The following ERG variants were observed in gnomAD, a reference collection of about 807,000 sequenced individuals.
The protein encoded by ERG is ETS transcription factor ERG.
ERG carries 9 observed loss-of-function variants against 55.3 expected under a neutral mutation model. That is an observed-to-expected ratio of 0.16 (90% CI 0.10 to 0.28). ERG has a LOEUF of 0.28. ERG is among the 10% of genes least tolerant of loss of function. ERG has a pLI of 1.00. For synonymous variants in ERG, 223 were observed against 237.3 expected, an observed-to-expected ratio of 0.94 and a Z score of 0.55; for missense variants, 434 against 631.6, an observed-to-expected ratio of 0.69 and a Z score of 3.35.
At chr21:38,620,435 G>A (rs757384567) in intron 1 of ERG, among the ~76,000 whole-genome samples, 10 of 152,198 alleles carry the variant, frequency 6.6e-5, no homozygotes, top group Non-Finnish European at 1.3e-4. Context: ...CCCGCAGCCA[G>A]CTCGTCTGCT....
chr21:38,501,721 C>A (rs1011892754), upstream of ERG, among the ~76,000 whole-genome samples: 67 of 152,298 alleles, frequency 4.4e-4, no homozygotes, highest in Non-Finnish European at 5.4e-4. Context: ...ACTAGACCAG[C>A]ACAGCCCATA....
intron 6 of ERG, among the ~76,000 whole-genome samples, chr21:38,399,575 G>A (rs923413479): frequency 6.6e-6 from 1 of 152,216 alleles, no homozygotes; most frequent in Admixed American, 6.5e-5. Context: ...TCGGGCTGAT[G>A]TAAGTCCCAG....
Position 38,446,737 on chromosome 21 carries a change from G to C in ERG, c.19-1116C>G, listed in dbSNP as rs564032580. On this transcript the variant is annotated intron_variant, in intron 1 of 9. Transcript: ENST00000288319. ...GAGGCAGAGCAGGGGAGGCAGGGGA[G>C]TGTGGGCTGCGCAGACCCTTCCAGT... is the stretch of plus-strand genomic sequence containing the variant. Among the ~76,000 whole-genome samples, 13 of 152,228 alleles carry C rather than the reference G, an allele frequency of 8.5e-5. 1 individual carries two copies. In the South Asian group the frequency reaches 2.5e-3, roughly 29 times the overall value.
At chr21:38,403,445 A>G (rs945610860) in intron 4 of ERG, 61 bp downstream of exon 4, 7 of 1,540,726 alleles carry the variant, frequency 4.5e-6, no homozygotes, top group Non-Finnish European at 6.3e-6. Flanking sequence ...GAACCCTCTG[A>G]AGCTCAGGTC....
chr21:38,445,687 T>G (rs2058885768), intron 1 of ERG, 66 bp from the exon 2 acceptor site: 1 of 1,372,610 alleles, frequency 7.3e-7, no homozygotes, highest in South Asian at 1.2e-5. Flanking sequence ...AAAAAGTTGT[T>G]GATTTCAGAG....
At chr21:38,566,710 G>T (rs2059925275) in intron 2 of ERG, among the ~76,000 whole-genome samples, 1 of 152,004 alleles carries the variant, frequency 6.6e-6, no homozygotes, top group Non-Finnish European at 1.5e-5. Flanking sequence ...AAGAAACAAA[G>T]AAACAAAAAA....
chr21:38,428,052 C>A (rs760157263), intron 2 of ERG, among the ~76,000 whole-genome samples: 1 of 151,690 alleles, frequency 6.6e-6, no homozygotes, highest in African/African-American at 2.4e-5. Context: ...GCATGGTGTG[C>A]ACCTGTAGTC....
At chr21:38,391,286 A>T (rs1305006847) in intron 8 of ERG, among the ~76,000 whole-genome samples, 1 of 152,188 alleles carries the variant, frequency 6.6e-6, no homozygotes, top group Non-Finnish European at 1.5e-5. Context: ...CCTGACATAT[A>T]GCTCAAGGCT....
chr21:38,516,013 C>T (rs2059548956), intron 2 of ERG, among the ~76,000 whole-genome samples: 1 of 151,922 alleles, frequency 6.6e-6, no homozygotes, highest in African/African-American at 2.4e-5. Flanking sequence ...ATGATTAACC[C>T]ACAGCTAACA....
At chr21:38,612,808 C>CAT (rs2060235868) in intron 1 of ERG, among the ~76,000 whole-genome samples, 1 of 151,914 alleles carries the variant, frequency 6.6e-6, no homozygotes, top group Non-Finnish European at 1.5e-5. Context: ...GGACTACAGG[C>CAT]GCCTGCCACC....
chr21:38,392,244 T>C lies in ERG; in HGVS notation c.814+132A>G, dbSNP rs1988005066. The C allele has an allele frequency of 5.1e-6, 4 of 783,132 alleles. No homozygotes were observed. The East Asian group carries it at 1.1e-4, about 21-fold the overall frequency. 48.5% of individuals were successfully genotyped at this position (783,132 alleles called of 1,614,324 possible). ...CTGCAGTGAAAGATCAATTGTACTC[T>C]TGTCGTCAATGGAACAAACCCATCA... On this transcript the variant is annotated intron_variant, in intron 7 of 9. Transcript: ENST00000288319.
At chr21:38,453,586 A>C (rs915048371) in intron 1 of ERG, among the ~76,000 whole-genome samples, 9 of 152,206 alleles carry the variant, frequency 5.9e-5, no homozygotes, top group Non-Finnish European at 4.4e-5. Context: ...TTCTTCTTTA[A>C]AGAATCGCTT....
chr21:38,522,342 TATC>T (rs1214079741), intron 2 of ERG, among the ~76,000 whole-genome samples: 5 of 152,182 alleles, frequency 3.3e-5, no homozygotes, highest in Non-Finnish European at 7.4e-5. Flanking sequence ...TCCTTTTTCT[TATC>T]ATATCTATAA....
chr21:38,579,094 C>T (rs2060012485), intron 1 of ERG, among the ~76,000 whole-genome samples: 1 of 152,106 alleles, frequency 6.6e-6, no homozygotes, highest in Admixed American at 6.6e-5. Context: ...CCATGGGATT[C>T]CCAGAGCCCT....
At chr21:38,607,633 C>T (rs2060204154) in intron 1 of ERG, among the ~76,000 whole-genome samples, 1 of 149,778 alleles carries the variant, frequency 6.7e-6, no homozygotes, top group Admixed American at 6.6e-5. Flanking sequence ...AGCCAGACTC[C>T]GTCTCAAAAA....
intron 1 of ERG, among the ~76,000 whole-genome samples, chr21:38,468,983 AAAAAAAAAAAAAAAAAAAG>A (rs1452525603): frequency 1.0e-4 from 9 of 87,046 alleles, no homozygotes; most frequent in Admixed American, 1.3e-4. Flanking sequence ...ACTCTGTCTC[AAAAAAAAAAAAAAAAAAAG>A]AAAAAAAAAA....
chr21:38,578,865 C>A (rs1568927380), intron 1 of ERG, among the ~76,000 whole-genome samples: 2 of 152,152 alleles, frequency 1.3e-5, no homozygotes, highest in Non-Finnish European at 2.9e-5. Context: ...CTGACATACA[C>A]TTTGCAATGT....
Position 38,498,314 on chromosome 21 carries a change from G to C in ERG, c.18+49C>G, listed in dbSNP as rs1461331435. 3.9e-6 allele frequency: 6 copies of C among 1,547,284 alleles called. No homozygotes were observed. In the South Asian group the frequency reaches 6.8e-5, roughly 18 times the overall value. On this transcript the variant is annotated intron_variant, in intron 1 of 9. Coordinates refer to ENST00000288319, the MANE Select transcript of ERG (RefSeq NM_182918.4). This position sits in a 1 kb window ranked among gnomAD's most constrained non-coding sequence, Gnocchi z 4.6. ...CCTTGATAAAGGAAACCAAAGAAAAGAGTAACAAGAACAAGATTTTGTCAA... is the reference window on the plus strand; with the variant it reads ...CCTTGATAAAGGAAACCAAAGAAAACAGTAACAAGAACAAGATTTTGTCAA...
chr21:38,581,772 G>A (rs978490870), intron 1 of ERG, among the ~76,000 whole-genome samples: 2 of 152,296 alleles, frequency 1.3e-5, no homozygotes, highest in South Asian at 2.1e-4. Flanking sequence ...GGCCAGGCGC[G>A]GTGGCTCACG....
Sources: allele counts gnomAD v4.1 joint callset (sites outside exome capture counted in the v4.1 genomes callset), GRCh38; gene constraint gnomAD v4.1.1; non-coding constraint Gnocchi (gnomAD v3.1); transcripts MANE v1.5; gene names NCBI Gene and HGNC (gene_info 2026-07-23, HGNC 2026-07-21).